ITPR2: variants seen among roughly 807,000 people sequenced by gnomAD.
ITPR2 encodes inositol 1,4,5-trisphosphate receptor type 2, also known as inositol 1,4,5-trisphosphate-gated calcium channel ITPR2.
In ITPR2, 207 loss-of-function variants were observed where a neutral mutation model predicts 317.1. That is an observed-to-expected ratio of 0.65 (90% confidence interval 0.58 to 0.73). ITPR2 has a LOEUF of 0.73. ITPR2 is among the 30% of genes least tolerant of loss of function. The pLI is 0.00. For synonymous variants in ITPR2, 1,156 were observed against 1,149.1 expected (o/e 1.01, Z -0.12); for missense variants, 2,613 against 3,284.0 (o/e 0.80, Z 4.99).
At chr12:26,426,181 G>A (rs1011839932) in intron 49 of ITPR2, among the ~76,000 whole-genome samples, 1 of 152,044 alleles carries the variant, frequency 6.6e-6, no homozygotes, top group Non-Finnish European at 1.5e-5. Flanking sequence ...CACTTTGTCA[G>A]ACTTGGATTT....
At chr12:26,561,724 T>C (rs935736682) in intron 35 of ITPR2, 38 bp downstream of exon 35, 1 of 1,422,260 alleles carries the variant, frequency 7.0e-7, no homozygotes, top group South Asian at 1.5e-5. Flanking sequence ...AAAAATATAA[T>C]TTAGAAAATA....
At chr12:26,545,703 A>G (rs1391414655) in intron 37 of ITPR2, among the ~76,000 whole-genome samples, 1 of 152,212 alleles carries the variant, frequency 6.6e-6, no homozygotes, top group African/African-American at 2.4e-5. Flanking sequence ...ATTAGAGCCC[A>G]CCATTGGTTG....
intron 21 of ITPR2, chr12:26,649,087 C>T (rs1253712668): frequency 6.6e-6 from 1 of 152,068 alleles, no homozygotes; most frequent in Non-Finnish European, 1.5e-5. Context: ...TTTTAAAAAA[C>T]TTTCAAATTT....
intron 37 of ITPR2, among the ~76,000 whole-genome samples, chr12:26,524,999 A>G (rs1349617104): frequency 6.6e-6 from 1 of 152,234 alleles, no homozygotes; most frequent in East Asian, 1.9e-4. Flanking sequence ...CTATAATTTA[A>G]AACTAAACCT....
intron 2 of ITPR2, among the ~76,000 whole-genome samples, chr12:26,761,981 C>T (rs1949643028): frequency 6.6e-6 from 1 of 152,072 alleles, no homozygotes; most frequent in Non-Finnish European, 1.5e-5. Context: ...GCTTTAACAG[C>T]AGATTTGATC....
rs1304375069 is a variant in ITPR2 at position 26,439,140 on chromosome 12, C to T, written c.6630G>A (p.Gln2210=). Residue 2210 remains glutamine, a synonymous_variant, in exon 47 of 57, where the codon CAG becomes CAA. Coordinates refer to ENST00000381340, the MANE Select transcript of ITPR2 (RefSeq NM_002223.4). ...TACTGTACTTACTCCTGATTTTCTT[C>T]TGCCACTTCATTTCATTGTAGAGAT... The part of the protein sequence containing the change: ...TEDLYNEMKW[Q]KKIRNNPALF... The T allele has an allele frequency of 1.2e-6, 2 of 1,605,024 alleles. No individual in the cohort carries two copies. Among genetic ancestry groups the T allele is most frequent in the Non-Finnish European group, 1.7e-6 (2 of 1,175,420 alleles).
chr12:26,778,451 G>A (rs560104738), intron 2 of ITPR2, among the ~76,000 whole-genome samples: 1 of 152,292 alleles, frequency 6.6e-6, no homozygotes, highest in East Asian at 1.9e-4. Context: ...TACCAGATGT[G>A]GTTTCACTTC....
rs1432218339 is a variant in ITPR2 at position 26,656,362 on chromosome 12, C to G, written c.2379G>C (p.Glu793Asp). Reference protein sequence around the residue: ...LHMHVDRDPQESVVPVRYARL... With the variant: ...LHMHVDRDPQDSVVPVRYARL... ...TGGCATAGCGAACAGGCACCACGGA[C>G]TCCTGGGGATCCCGGTCAACGTGCA... is the stretch of plus-strand genomic sequence containing the variant. Residue 793 changes from glutamate (E) to aspartate (D), a missense_variant, in exon 19 of 57, where the codon GAG (glutamate) becomes GAC (aspartate). Physicochemically the swap from Glu to Asp is conservative, Grantham distance 45. Around this residue, in one of 9 missense-constraint regions of ITPR2, gnomAD observed 817 missense variants for 897.6 expected, o/e 0.91. Coordinates refer to ENST00000381340, the MANE Select transcript of ITPR2 (RefSeq NM_002223.4). The G allele has an allele frequency of 1.2e-6, 2 of 1,614,220 alleles. No homozygotes were observed. The highest frequency in any genetic ancestry group is 1.1e-5 in the South Asian group (1 of 91,090).
intron 21 of ITPR2, among the ~76,000 whole-genome samples, chr12:26,650,437 G>A (rs760483050): frequency 2.6e-5 from 4 of 152,044 alleles, no homozygotes; most frequent in East Asian, 1.9e-4. Flanking sequence ...CAATGTCAAC[G>A]ATGAACTTTG....
At chr12:26,822,390 G>C (rs1950949589) in intron 1 of ITPR2, among the ~76,000 whole-genome samples, 2 of 152,088 alleles carry the variant, frequency 1.3e-5, no homozygotes, top group African/African-American at 2.4e-5. Flanking sequence ...AAAAGGAAAA[G>C]AGAGCGTGAT....
chr12:26,723,279 C>T (rs376896221), intron 4 of ITPR2, among the ~76,000 whole-genome samples: 8 of 151,920 alleles, frequency 5.3e-5, no homozygotes, highest in African/African-American at 1.5e-4. Flanking sequence ...AAATAAAGTA[C>T]GGTTCTTTAA....
intron 36 of ITPR2, among the ~76,000 whole-genome samples, chr12:26,550,705 AT>A (rs201344936): frequency 0.16 from 23,784 of 151,578 alleles, 2,436 homozygotes; most frequent in Non-Finnish European, 0.23. Context: ...ATTATATTAC[AT>A]TTTATTATGT....
At position 26,684,440 on chromosome 12, in the gene ITPR2, C is replaced by T. The variant is rs1302826445; in HGVS notation, c.1149-1767G>A. ...ACAGTCAGCTTGAGAACCACTGTTC[C>T]AACTCAGTCTCTAGTTCCTGATCTG... On this transcript the variant is annotated intron_variant, in intron 11 of 56. Coordinates refer to ENST00000381340, the MANE Select transcript of ITPR2 (RefSeq NM_002223.4). Among the ~76,000 whole-genome samples, 5 of 152,154 alleles carry T rather than the reference C, an allele frequency of 3.3e-5. No homozygotes were observed. In the East Asian group the frequency reaches 9.6e-4, roughly 29 times the overall value.
At chr12:26,587,842 A>T (rs1945573910) in intron 32 of ITPR2, among the ~76,000 whole-genome samples, 1 of 151,264 alleles carries the variant, frequency 6.6e-6, no homozygotes, top group Non-Finnish European at 1.5e-5. Flanking sequence ...GAAACAGGTT[A>T]TGAGGCTATT....
intron 37 of ITPR2, among the ~76,000 whole-genome samples, chr12:26,543,228 T>C (rs1389985881): frequency 6.6e-6 from 1 of 152,186 alleles, no homozygotes; most frequent in East Asian, 1.9e-4. Context: ...GTAAGCTCTT[T>C]CTGTCTCCAT....
chr12:26,764,804 T>C (rs935050313), intron 2 of ITPR2, among the ~76,000 whole-genome samples: 13 of 151,826 alleles, frequency 8.6e-5, no homozygotes, highest in Admixed American at 6.6e-5. Flanking sequence ...AATGAACAAA[T>C]AAAAAGATAT....
At chr12:26,461,452 T>C (rs1447123033) in intron 45 of ITPR2, among the ~76,000 whole-genome samples, 1 of 151,954 alleles carries the variant, frequency 6.6e-6, no homozygotes. Flanking sequence ...ATATTGTCTA[T>C]GGCTGTTTTT....
In ITPR2 at chr12:26,716,245, A is replaced by G. The variant is rs764739293; in HGVS notation, c.526-3T>C. On this transcript the variant is annotated splice_polypyrimidine_tract_variant and splice_region_variant and intron_variant, in intron 5 of 56. Transcript: ENST00000381340. The stretch of plus-strand genomic sequence containing the variant: ...ACAACTTTATCTCCTACAACAATCT[A>G]GGAAGCAGAAATAAATCACAATTGA... 1.9e-6 allele frequency: 3 copies of G among 1,595,180 alleles called. No homozygotes were observed. The highest frequency in any genetic ancestry group is 2.6e-6 in the Non-Finnish European group (3 of 1,163,696).
chr12:26,625,200 G>A (rs1946594102), intron 23 of ITPR2, among the ~76,000 whole-genome samples: 1 of 152,110 alleles, frequency 6.6e-6, no homozygotes, highest in Admixed American at 6.5e-5. Flanking sequence ...GGGAAAGGTA[G>A]TGGGGTGGGC....
Sources: gnomAD v4.1 joint callset for allele counts (sites outside exome capture counted in the v4.1 genomes callset) on GRCh38, gnomAD v4.1.1 for gene constraint, gnomAD v4.1.1 regional missense constraint, MANE v1.5 for transcripts, NCBI Gene and HGNC (gene_info 2026-07-23, HGNC 2026-07-21) for gene names.